Variants in SNTB1 observed in about 807,000 individuals in gnomAD.
The protein encoded by SNTB1 is beta-1-syntrophin.
SNTB1 carries 36 observed loss-of-function variants against 48.9 expected under a neutral mutation model. That is an observed-to-expected ratio of 0.74 (90% CI 0.56 to 0.97). The LOEUF is 0.97. SNTB1 is among the 50% of genes least tolerant of loss of function. The pLI, the probability that SNTB1 is intolerant of heterozygous loss-of-function variation, is 0.00. For missense variants in SNTB1, 786 were observed against 703.4 expected, an observed-to-expected ratio of 1.12 and a Z score of -1.33; for synonymous variants, 299 against 294.6, an observed-to-expected ratio of 1.01 and a Z score of -0.15.
chr8:120,604,038 T>C (rs1370755145), intron 3 of SNTB1, among the ~76,000 whole-genome samples: 1 of 151,990 alleles, frequency 6.6e-6, no homozygotes, highest in African/African-American at 2.4e-5. Context: ...GAGTGAAAGG[T>C]GGCATTGGTC....
At chr8:120,685,767 T>C (rs1818020949) in intron 2 of SNTB1, among the ~76,000 whole-genome samples, 1 of 152,244 alleles carries the variant, frequency 6.6e-6, no homozygotes, top group Non-Finnish European at 1.5e-5. Flanking sequence ...CTTTTGATTA[T>C]ACATTCCATT....
At chr8:120,575,282 G>A in intron 3 of SNTB1, 57 bp from the exon 4 acceptor site, 1 of 1,606,724 alleles carries the variant, frequency 6.2e-7, no homozygotes, top group Non-Finnish European at 8.5e-7. Context: ...ATGATTATGA[G>A]AAGTTGGCAT....
intron 2 of SNTB1, among the ~76,000 whole-genome samples, chr8:120,680,782 A>T (rs1429213438): frequency 6.6e-6 from 1 of 152,212 alleles, no homozygotes; most frequent in East Asian, 1.9e-4. Flanking sequence ...ACAAAGGATC[A>T]AGACCTATAT....
Position 120,791,302 on chromosome 8 carries a change from A to G in SNTB1, c.571+19971T>C, listed in dbSNP as rs138874116. Among the ~76,000 whole-genome samples the G allele has an allele frequency of 4.3e-4, 65 of 152,142 alleles. No homozygotes were observed. The East Asian group carries it at 5.8e-3, about 14-fold the overall frequency. ...CACCATATACAAAAATTAACTCAAG[A>G]TGGATCAAAGACTTCAATCTAAGGC... is the stretch of plus-strand genomic sequence containing the variant. On this transcript the variant is annotated intron_variant, in intron 1 of 6. Coordinates refer to ENST00000517992, the MANE Select transcript of SNTB1 (RefSeq NM_021021.4).
At chr8:120,628,995 A>C (rs1292203966) in intron 3 of SNTB1, among the ~76,000 whole-genome samples, 3 of 152,130 alleles carry the variant, frequency 2.0e-5, no homozygotes, top group African/African-American at 4.8e-5. Context: ...CTATTAAAAA[A>C]ATAATCTTCC....
intron 5 of SNTB1, among the ~76,000 whole-genome samples, chr8:120,547,580 A>G (rs1436437535): frequency 6.9e-6 from 1 of 144,528 alleles, no homozygotes; most frequent in Non-Finnish European, 1.5e-5. Context: ...TGACAAGAGC[A>G]AAACACTGTC....
intron 1 of SNTB1, among the ~76,000 whole-genome samples, chr8:120,702,017 A>G (rs545577677): frequency 6.4e-4 from 97 of 152,376 alleles, no homozygotes; most frequent in African/African-American, 2.3e-3. Flanking sequence ...CAATGGACCC[A>G]CAGAAAGTAT....
intron 1 of SNTB1, among the ~76,000 whole-genome samples, chr8:120,780,973 G>A (rs756445645): frequency 4.6e-5 from 7 of 152,306 alleles, no homozygotes; most frequent in South Asian, 2.1e-4. Context: ...ATTTGACCTT[G>A]AGTAATTAAG....
At chr8:120,637,776 G>A (rs960125603) in intron 2 of SNTB1, 10 of 365,734 alleles carry the variant, frequency 2.7e-5, no homozygotes, top group African/African-American at 6.6e-5. Flanking sequence ...ATGTTTCTGC[G>A]TCATTCTTCT....
intron 3 of SNTB1, among the ~76,000 whole-genome samples, chr8:120,590,667 TTTGTTTTCTTTTCTTTTC>T (rs1816224267): frequency 6.9e-6 from 1 of 145,174 alleles, no homozygotes; most frequent in African/African-American, 2.7e-5. Flanking sequence ...GTTTCTTTCT[TTTGTTTTCTTTTCTTTTC>T]TTTTTTTTTT....
At chr8:120,638,531 A>G (rs1256102063) in intron 2 of SNTB1, among the ~76,000 whole-genome samples, 2 of 151,868 alleles carry the variant, frequency 1.3e-5, no homozygotes, top group African/African-American at 4.8e-5. Flanking sequence ...CATTAGGTAT[A>G]TCTCCTAATG....
At chr8:120,604,887 C>T (rs1268313115) in intron 3 of SNTB1, among the ~76,000 whole-genome samples, 3 of 152,172 alleles carry the variant, frequency 2.0e-5, no homozygotes, top group African/African-American at 2.4e-5. Flanking sequence ...CAATTGTTTC[C>T]AGTAAGATGT....
At chr8:120,787,808 G>C (rs1819948281) in intron 1 of SNTB1, among the ~76,000 whole-genome samples, 1 of 152,292 alleles carries the variant, frequency 6.6e-6, no homozygotes, top group South Asian at 2.1e-4. Context: ...ACCTATTTGA[G>C]GGAATGATGA....
At chr8:120,619,775 C>A (rs6469939) in intron 3 of SNTB1, among the ~76,000 whole-genome samples, 4 of 152,128 alleles carry the variant, frequency 2.6e-5, no homozygotes, top group Non-Finnish European at 5.9e-5. Context: ...GAAGTGTGGT[C>A]TGACACTCAG....
chr8:120,560,376 G>A (rs941177593), intron 4 of SNTB1, among the ~76,000 whole-genome samples: 6 of 152,110 alleles, frequency 3.9e-5, no homozygotes, highest in Non-Finnish European at 8.8e-5. Context: ...TCAGCTACTC[G>A]GGAGGCTGAG....
At chr8:120,741,821 A>G (rs1269968277) in intron 1 of SNTB1, among the ~76,000 whole-genome samples, 1 of 152,194 alleles carries the variant, frequency 6.6e-6, no homozygotes, top group African/African-American at 2.4e-5. Flanking sequence ...TAAAGGTTGT[A>G]AAAAAGAAAA....
chr8:120,794,746 C>A (rs1036584315), intron 1 of SNTB1, among the ~76,000 whole-genome samples: 1 of 152,022 alleles, frequency 6.6e-6, no homozygotes, highest in Non-Finnish European at 1.5e-5. Context: ...TTAGTTGCTG[C>A]TCTAAGCTCT....
rs200642810 is a variant in SNTB1, at chr8:120,619,308, T to TAG, written c.996+13135_996+13136insCT. Among the ~76,000 whole-genome samples the TAG allele has an allele frequency of 2.8e-3, 411 of 147,798 alleles. 3 individuals carry two copies. In the Middle Eastern group the frequency reaches 0.056, roughly 20 times the overall value. Reference sequence around the variant, plus strand: ...TTGGTGAAAATTATACATATATATATATAGAGAGAGAGAGAGAGAGAGAAA... The same window carrying TAG: ...TTGGTGAAAATTATACATATATATATAGATAGAGAGAGAGAGAGAGAGAGAAA... On this transcript the variant is annotated intron_variant, in intron 3 of 6. Transcript: ENST00000517992.
chr8:120,543,664 C>A (rs1815329302), intron 5 of SNTB1, among the ~76,000 whole-genome samples: 1 of 152,156 alleles, frequency 6.6e-6, no homozygotes, highest in East Asian at 1.9e-4. Context: ...TGAATAATGA[C>A]AGTAGGCGGG....
Sources: gnomAD v4.1 joint callset for allele counts (sites outside exome capture counted in the v4.1 genomes callset) on GRCh38, gnomAD v4.1.1 for gene constraint, MANE v1.5 for transcripts, NCBI Gene and HGNC (gene_info 2026-07-23, HGNC 2026-07-21) for gene names.